The following FKBP10 variants were observed in gnomAD, a reference collection of about 807,000 sequenced individuals.
FKBP10 encodes the protein peptidyl-prolyl cis-trans isomerase FKBP10.
FKBP10 carries 34 observed loss-of-function variants against 53.7 expected under a neutral mutation model. The ratio of observed to expected loss-of-function variants is 0.63; its 90% CI spans 0.48 to 0.84. FKBP10 has a LOEUF of 0.84. Among genes scored for constraint, FKBP10 ranks in the 40% least tolerant of loss-of-function variants. FKBP10 has a pLI of 0.00. For synonymous variants in FKBP10, 324 were observed against 335.7 expected (o/e 0.97, Z 0.38); for missense variants, 748 against 797.8 (o/e 0.94, Z 0.75).
intron 6 of FKBP10, 57 bp from the exon 7 acceptor site, chr17:41,820,212 C>T: frequency 5.1e-6 from 8 of 1,574,358 alleles, no homozygotes; most frequent in Non-Finnish European, 7.0e-6. Context: ...ATGGAGAGAC[C>T]TCAAGTAGCC....
Position 41,822,074 on chromosome 17 carries a change from C to G in FKBP10, c.1564-149C>G, listed in dbSNP as rs576059575. ...CCCACCAGGACCCCAGCACCAGTGC[C>G]TTTCCCAGCCCTTCCTGAGTTACAG... On this transcript the variant is annotated intron_variant, in intron 9 of 9. Transcript: ENST00000321562. The G allele has an allele frequency of 5.0e-5, 44 of 885,866 alleles. No homozygotes were observed. The East Asian group carries it at 1.1e-3, about 23-fold the overall frequency. 54.9% of individuals were successfully genotyped at this position (885,866 alleles called of 1,614,324 possible).
Position 41,822,841 on chromosome 17 carries a change from T to G in FKBP10, c.*433T>G. ...CTATGTGACAGCTCCCTAGGACCCC[T>G]CTGCCTTCCTCCCCAATCCTGACTG... On this transcript the variant is annotated 3_prime_UTR_variant, in exon 10 of 10. Coordinates refer to ENST00000321562, the MANE Select transcript of FKBP10 (RefSeq NM_021939.4). 2 of 298,264 alleles carry G rather than the reference T, an allele frequency of 6.7e-6. No individual in the cohort carries two copies. The highest frequency in any genetic ancestry group is 1.3e-5 in the Non-Finnish European group (2 of 153,864). 18.5% of individuals were successfully genotyped at this position (298,264 alleles called of 1,614,324 possible).
chr17:41,822,858 T>G lies in FKBP10; in HGVS notation c.*450T>G. 3.7e-6 allele frequency: 1 copy of G among 272,534 alleles called. No individual in the cohort carries two copies. The highest frequency in any genetic ancestry group is 7.1e-6 in the Non-Finnish European group (1 of 139,958). The allele number at this position is 272,534 out of a possible 1,614,324, so 16.9% of individuals were successfully genotyped here. The stretch of plus-strand genomic sequence containing the variant: ...AGGACCCCTCTGCCTTCCTCCCCAA[T>G]CCTGACTGGCTCCTAGGGAAGGGGA... On this transcript the variant is annotated 3_prime_UTR_variant, in exon 10 of 10. Coordinates refer to ENST00000321562, the MANE Select transcript of FKBP10 (RefSeq NM_021939.4).
At chr17:41,816,976 G>C in intron 1 of FKBP10, 82 bp from the exon 2 acceptor site, 1 of 1,594,782 alleles carries the variant, frequency 6.3e-7, no homozygotes, top group Admixed American at 1.7e-5. Context: ...CGTGTGTGCA[G>C]GCACACCTGT....
At chr17:41,821,230 C>T in intron 8 of FKBP10, 141 bp downstream of exon 8, 1 of 1,138,098 alleles carries the variant, frequency 8.8e-7, no homozygotes, top group Non-Finnish European at 1.2e-6. Flanking sequence ...TCAAGTGATT[C>T]TCCTGCCTCA....
chr17:41,813,598 TGGG>T (rs1194032154), intron 1 of FKBP10, among the ~76,000 whole-genome samples: 1 of 152,096 alleles, frequency 6.6e-6, no homozygotes, highest in African/African-American at 2.4e-5. Context: ...TCTACAGTGT[TGGG>T]GGGAAGGGGG....
intron 4 of FKBP10, 41 bp downstream of exon 4, chr17:41,818,568 A>C (rs2047846239): frequency 1.2e-6 from 2 of 1,613,180 alleles, no homozygotes; most frequent in Non-Finnish European, 1.7e-6. Flanking sequence ...TCCGCAGAAG[A>C]GGGAAAAACC....
At chr17:41,813,401 GCCTCCC>G (rs2047774036) in intron 1 of FKBP10, 122 bp downstream of exon 1, 1 of 1,324,538 alleles carries the variant, frequency 7.5e-7, no homozygotes, top group South Asian at 1.2e-5. Flanking sequence ...CACCCCTGGG[GCCTCCC>G]AGACACCCAT....
Position 41,817,062 on chromosome 17 carries a change from G to A in FKBP10, c.250G>A (p.Asp84Asn). The A allele has an allele frequency of 6.2e-7, 1 of 1,614,064 alleles. No individual in the cohort carries two copies. Among genetic ancestry groups the A allele is most frequent in the Non-Finnish European group, 8.5e-7 (1 of 1,180,042 alleles). ...CATCTGTCCCTCCCCCCCCAGCTATGATCGCAACACCTTGGTGGCCATCGT... is the reference window on the plus strand; with the variant it reads ...CATCTGTCCCTCCCCCCCCAGCTATAATCGCAACACCTTGGTGGCCATCGT... Reference protein sequence around the residue: ...EDGKKFDSSYDRNTLVAIVVG... With the variant: ...EDGKKFDSSYNRNTLVAIVVG... Residue 84 changes from aspartate (D) to asparagine (N), a missense_variant, in exon 2 of 10, where the codon GAT (aspartate) becomes AAT (asparagine). Physicochemically the swap from Asp to Asn is conservative, Grantham distance 23. Transcript: ENST00000321562.
chr17:41,818,033 G>A, intron 2 of FKBP10, 56 bp from the exon 3 acceptor site: 2 of 1,524,116 alleles, frequency 1.3e-6, no homozygotes, highest in Non-Finnish European at 1.8e-6. Flanking sequence ...GCCCTGGCTG[G>A]GATCGTGGTT....
rs1555616164 is a variant in FKBP10 at position 41,817,060 on chromosome 17, A to T, written c.248A>T (p.Tyr83Phe). The T allele has an allele frequency of 1.2e-6, 2 of 1,613,826 alleles. No homozygotes were observed. Among genetic ancestry groups the T allele is most frequent in the Admixed American group, 3.3e-5 (2 of 60,002 alleles). The change falls in exon 2 of 10, where the codon TAT becomes TTT. Residue 83 changes from tyrosine (Y) to phenylalanine (F), a missense_variant and splice_region_variant. Tyr to Phe is a conservative substitution (Grantham distance 22). Transcript: ENST00000321562. Reference sequence around the variant, plus strand: ...CCCATCTGTCCCTCCCCCCCCAGCTATGATCGCAACACCTTGGTGGCCATC... The same window carrying T: ...CCCATCTGTCCCTCCCCCCCCAGCTTTGATCGCAACACCTTGGTGGCCATC... ...FEDGKKFDSS[Y>F]DRNTLVAIVV...
intron 1 of FKBP10, among the ~76,000 whole-genome samples, chr17:41,816,157 TA>T (rs1458755772): frequency 7.0e-6 from 1 of 142,036 alleles, no homozygotes; most frequent in East Asian, 2.1e-4. Context: ...TATGTATAAG[TA>T]AAAATAAATA....
rs1043007 is a variant in FKBP10 at position 41,822,830 on chromosome 17, C to G, written c.*422C>G. The G allele has an allele frequency of 0.76, 239,647 of 313,392 alleles. 92,117 individuals are homozygous for G. The highest frequency in any genetic ancestry group is 0.85 in the Admixed American group (18,807 of 22,162). 19.4% of individuals were successfully genotyped at this position (313,392 alleles called of 1,614,324 possible). ...CCCCTTTTCCTCTATGTGACAGCTC[C>G]CTAGGACCCCTCTGCCTTCCTCCCC... On this transcript the variant is annotated 3_prime_UTR_variant, in exon 10 of 10. Transcript: ENST00000321562.
At chr17:41,814,142 C>T (rs2047786226) in intron 1 of FKBP10, among the ~76,000 whole-genome samples, 1 of 152,110 alleles carries the variant, frequency 6.6e-6, no homozygotes, top group Non-Finnish European at 1.5e-5. Context: ...ACACACAGAC[C>T]CCACAGCACA....
In FKBP10 at chr17:41,820,020, C is replaced by A. The variant is rs1429049155; in HGVS notation, c.1064-249C>A. On this transcript the variant is annotated intron_variant, in intron 6 of 9. Coordinates refer to ENST00000321562, the MANE Select transcript of FKBP10 (RefSeq NM_021939.4). ...CAAGTGGGCAAGCCATGCTGATCCG[C>A]AGGGTAAGTTACTGGGAGTTTGCAA... 7 of 1,487,978 alleles carry A rather than the reference C, an allele frequency of 4.7e-6. No homozygotes were observed. The African/African-American group carries it at 9.8e-5, about 21-fold the overall frequency. 92.2% of individuals were successfully genotyped at this position (1,487,978 alleles called of 1,614,324 possible). A position where few individuals can be genotyped will look rare whatever the true frequency, so the allele number is the denominator to read the frequency against.
At chr17:41,820,013 T>C (rs945468025) in intron 6 of FKBP10, 1 of 1,496,552 alleles carries the variant, frequency 6.7e-7, no homozygotes, top group South Asian at 1.3e-5. Context: ...CAAGCCATGC[T>C]GATCCGCAGG....
chr17:41,822,364 C>G lies in FKBP10; in HGVS notation c.1705C>G (p.Leu569Val). 1 of 1,612,792 alleles carries G rather than the reference C, an allele frequency of 6.2e-7. No individual in the cohort carries two copies. Among genetic ancestry groups the G allele is most frequent in the Non-Finnish European group, 8.5e-7 (1 of 1,179,426 alleles). Residue 569 changes from leucine (L) to valine (V), a missense_variant, in exon 10 of 10, where the codon CTG becomes GTG. By Grantham distance (32) the Leu-to-Val change is conservative. Coordinates refer to ENST00000321562, the MANE Select transcript of FKBP10 (RefSeq NM_021939.4). ...CAAGATCACAGTCGACGAGCTCAAG[C>G]TGAAGTCAGATGAGGACGAGGAGCG... ...DGKITVDELK[L>V]KSDEDEERVH...
chr17:41,819,640 T>TC lies in FKBP10; in HGVS notation c.1034dup (p.His346AlafsTer27), dbSNP rs1555616685. ...ATGGGGGAACGCCGGAGAATTACCA[T>TC]CCCCCCGCACCTCGCCTATGGGGAG... On this transcript the variant is annotated frameshift_variant, in exon 6 of 10. Coordinates refer to ENST00000321562, the MANE Select transcript of FKBP10 (RefSeq NM_021939.4). LOFTEE classifies it high-confidence loss of function. 1.9e-6 allele frequency: 3 copies of TC among 1,610,594 alleles called. No individual in the cohort carries two copies. Among genetic ancestry groups the TC allele is most frequent in the Admixed American group, 1.7e-5 (1 of 59,512 alleles).
rs1253233413 is a variant in FKBP10 at position 41,820,312 on chromosome 17, T to A, written c.1107T>A (p.His369Gln). Reference sequence around the variant, plus strand: ...CTGCCGTGCTAATCTTCAACGTCCATGTCATTGACTTCCACAACCCTGCGG... The same window carrying A: ...CTGCCGTGCTAATCTTCAACGTCCAAGTCATTGACTTCCACAACCCTGCGG... ...PGSAVLIFNV[H>Q]VIDFHNPADV... The change falls in exon 7 of 10, where the codon CAT becomes CAA. Residue 369 changes from histidine to glutamine, a missense_variant. Transcript: ENST00000321562. The A allele has an allele frequency of 6.2e-7, 1 of 1,614,074 alleles. No individual in the cohort carries two copies. Among genetic ancestry groups the A allele is most frequent in the Non-Finnish European group, 8.5e-7 (1 of 1,180,046 alleles).
Sources: allele counts gnomAD v4.1 joint callset (sites outside exome capture counted in the v4.1 genomes callset), GRCh38; gene constraint gnomAD v4.1.1; transcripts MANE v1.5; gene names NCBI Gene and HGNC (gene_info 2026-07-23, HGNC 2026-07-21).